ORC2: variants seen among roughly 807,000 people sequenced by gnomAD.
ORC2 encodes origin recognition complex protein 2 homolog.
Under a neutral mutation model 77.7 loss-of-function variants are expected in ORC2, and 37 were observed. That is an observed-to-expected ratio of 0.48 (90% CI 0.37 to 0.63). The LOEUF (loss-of-function observed/expected upper bound fraction) is 0.63, where lower values mean the gene tolerates loss of function less well. Among genes scored for constraint, ORC2 ranks in the 20% least tolerant of loss-of-function variants. The pLI, the probability that ORC2 is intolerant of heterozygous loss-of-function variation, is 0.00. For missense variants in ORC2, 557 were observed against 661.9 expected (o/e 0.84, Z 1.74); for synonymous variants, 201 against 229.5 (o/e 0.88, Z 1.12).
At chr2:200,913,189 A>T (rs2040580247) in intron 17 of ORC2, 106 bp downstream of exon 17, 1 of 742,596 alleles carries the variant, frequency 1.3e-6, no homozygotes, top group African/African-American at 1.8e-5. Flanking sequence ...GTGACTCAAC[A>T]GGGAACATCA....
chr2:200,929,401 G>T (rs1332983094), intron 11 of ORC2, among the ~76,000 whole-genome samples: 1 of 152,172 alleles, frequency 6.6e-6, no homozygotes, highest in Non-Finnish European at 1.5e-5. Context: ...TAGCTGTCAT[G>T]GAGAAAAATG....
At chr2:200,942,047 C>T (rs977280709) in intron 6 of ORC2, among the ~76,000 whole-genome samples, 4 of 151,436 alleles carry the variant, frequency 2.6e-5, no homozygotes, top group South Asian at 2.1e-4. Flanking sequence ...AGACACAATG[C>T]GGTGTGCTTA....
intron 11 of ORC2, among the ~76,000 whole-genome samples, chr2:200,928,449 T>C (rs1277802878): frequency 6.6e-6 from 1 of 152,182 alleles, no homozygotes. Context: ...ATTTGTTCAG[T>C]AGCTTCACTG....
intron 13 of ORC2, among the ~76,000 whole-genome samples, chr2:200,924,602 TA>T (rs2040813309): frequency 6.6e-6 from 1 of 152,206 alleles, no homozygotes; most frequent in Non-Finnish European, 1.5e-5. Context: ...TAGTCATTAC[TA>T]AATGGCAATT....
chr2:200,927,058 C>T (rs16835823), intron 11 of ORC2, among the ~76,000 whole-genome samples, 158 bp from the exon 12 acceptor site: 7,159 of 151,488 alleles, frequency 0.047, 546 homozygotes, highest in African/African-American at 0.16. Flanking sequence ...GGAAGGCAAA[C>T]GCAAAAAAGT....
intron 4 of ORC2, among the ~76,000 whole-genome samples, chr2:200,956,113 G>A (rs1201644130): frequency 6.6e-6 from 1 of 152,124 alleles, no homozygotes; most frequent in Non-Finnish European, 1.5e-5. Context: ...TGTCACCCAG[G>A]CTGAGTATAG....
chr2:200,927,007 G>T (rs558112066), intron 11 of ORC2, 107 bp from the exon 12 acceptor site: 18 of 1,208,694 alleles, frequency 1.5e-5, no homozygotes, highest in African/African-American at 1.4e-4. Context: ...TACAGGAAAG[G>T]GGTAGGCGCA....
At chr2:200,951,844 T>A (rs1042764301) in intron 4 of ORC2, among the ~76,000 whole-genome samples, 13 of 152,252 alleles carry the variant, frequency 8.5e-5, no homozygotes, top group African/African-American at 3.1e-4. Flanking sequence ...TCTGTAGTCT[T>A]CTCACTTTCT....
intron 9 of ORC2, among the ~76,000 whole-genome samples, chr2:200,935,198 C>T (rs573948053): frequency 8.9e-4 from 136 of 152,348 alleles, no homozygotes; most frequent in African/African-American, 3.2e-3. Flanking sequence ...TCTCGGCTCA[C>T]TACAGCCTCT....
chr2:200,923,916 A>G (rs914905964), intron 13 of ORC2, among the ~76,000 whole-genome samples: 7 of 152,210 alleles, frequency 4.6e-5, no homozygotes, highest in African/African-American at 1.7e-4. Flanking sequence ...ACTCTGTGCC[A>G]TGTTTCACTT....
At chr2:200,929,613 G>C (rs369667599) in intron 11 of ORC2, among the ~76,000 whole-genome samples, 1 of 151,794 alleles carries the variant, frequency 6.6e-6, no homozygotes, top group East Asian at 1.9e-4. Context: ...AAGATGGTGA[G>C]ACCTCATCTC....
chr2:200,963,511 C>A lies in ORC2; in HGVS notation c.-81G>T, dbSNP rs924328407. 5.0e-6 allele frequency: 2 copies of A among 398,504 alleles called. No homozygotes were observed. The highest frequency in any genetic ancestry group is 4.4e-6 in the Non-Finnish European group (1 of 226,044). 24.7% of individuals were successfully genotyped at this position (398,504 alleles called of 1,614,324 possible). A position where few individuals can be genotyped will look rare whatever the true frequency, so the allele number is the denominator to read the frequency against. Reference sequence around the variant, plus strand: ...TCACCGCTAGGTTTCCGTCTGGCGCCGATCCGGCTGCGTCACGCCGGCCGA... The same window carrying A: ...TCACCGCTAGGTTTCCGTCTGGCGCAGATCCGGCTGCGTCACGCCGGCCGA... On this transcript the variant is annotated 5_prime_UTR_variant, in exon 1 of 18. Transcript: ENST00000234296.
At chr2:200,957,019 G>A (rs1369281481) in intron 4 of ORC2, among the ~76,000 whole-genome samples, 1 of 152,140 alleles carries the variant, frequency 6.6e-6, no homozygotes, top group African/African-American at 2.4e-5. Context: ...CGGGTGGGTG[G>A]AGGGAGGGAG....
chr2:200,933,774 C>G, intron 10 of ORC2, 102 bp downstream of exon 10: 1 of 614,188 alleles, frequency 1.6e-6, no homozygotes, highest in Non-Finnish European at 2.9e-6. Flanking sequence ...TTGATCAGGA[C>G]AATAATTCTA....
intron 2 of ORC2, among the ~76,000 whole-genome samples, chr2:200,959,176 C>A (rs1319825523): frequency 6.6e-6 from 1 of 152,036 alleles, no homozygotes; most frequent in Non-Finnish European, 1.5e-5. Context: ...AGAGATGGAG[C>A]CTCACTATGT....
At chr2:200,934,859 A>AG (rs1290293825) in intron 9 of ORC2, among the ~76,000 whole-genome samples, 2 of 152,186 alleles carry the variant, frequency 1.3e-5, no homozygotes, top group African/African-American at 4.8e-5. Flanking sequence ...TTTAAGCAGT[A>AG]GGCTCCTCAA....
At chr2:200,940,995 C>A (rs2041142083) in intron 7 of ORC2, among the ~76,000 whole-genome samples, 1 of 152,146 alleles carries the variant, frequency 6.6e-6, no homozygotes, top group South Asian at 2.1e-4. Flanking sequence ...AAAAGCACAA[C>A]AGTTGGGTCT....
At chr2:200,935,287 T>A (rs2041018439) in intron 9 of ORC2, among the ~76,000 whole-genome samples, 1 of 152,170 alleles carries the variant, frequency 6.6e-6, no homozygotes, top group Non-Finnish European at 1.5e-5. Context: ...CACACCTGGC[T>A]AATTTTTGTG....
At position 200,911,257 on chromosome 2, in the gene ORC2, G is replaced by A; in HGVS notation, c.*44C>T. 2.7e-6 allele frequency: 3 copies of A among 1,109,006 alleles called. No homozygotes were observed. Among genetic ancestry groups the A allele is most frequent in the East Asian group, 4.7e-5 (2 of 42,558 alleles). 68.7% of individuals were successfully genotyped at this position (1,109,006 alleles called of 1,614,324 possible). On this transcript the variant is annotated 3_prime_UTR_variant, in exon 18 of 18. Transcript: ENST00000234296. Reference sequence around the variant, plus strand: ...ACTTTCAACTAGAGGAGTGGCAGCTGGGGTACAACCCTTCCATGGGAGATT... The same window carrying A: ...ACTTTCAACTAGAGGAGTGGCAGCTAGGGTACAACCCTTCCATGGGAGATT...
Sources: allele counts gnomAD v4.1 joint callset (sites outside exome capture counted in the v4.1 genomes callset), GRCh38; gene constraint gnomAD v4.1.1; transcripts MANE v1.5; gene names NCBI Gene and HGNC (gene_info 2026-07-23, HGNC 2026-07-21).